Variants in CAMK1D observed in about 807,000 individuals in gnomAD.
CAMK1D encodes calcium/calmodulin-dependent protein kinase type 1D.
CAMK1D carries 9 observed loss-of-function variants against 47.7 expected under a neutral mutation model. That is an observed-to-expected ratio of 0.19 (90% confidence interval 0.11 to 0.33). CAMK1D has a LOEUF of 0.33. Ranked by LOEUF, CAMK1D falls within the 10% of genes least tolerant of loss-of-function variation. CAMK1D has a pLI of 1.00. For missense variants in CAMK1D, 291 were observed against 488.7 expected, an observed-to-expected ratio of 0.60 and a Z score of 3.81; for synonymous variants, 184 against 184.9, an observed-to-expected ratio of 0.99 and a Z score of 0.04.
At chr10:12,647,120 C>G (rs77448347) in intron 2 of CAMK1D, among the ~76,000 whole-genome samples, 16,910 of 140,472 alleles carry the variant, frequency 0.12, 1,164 homozygotes, top group African/African-American at 0.2. Context: ...GGATTATAGA[C>G]GTGAGCCTCC....
chr10:12,583,464 A>C (rs1306398553), intron 2 of CAMK1D, among the ~76,000 whole-genome samples: 1 of 152,188 alleles, frequency 6.6e-6, no homozygotes, highest in Non-Finnish European at 1.5e-5. Flanking sequence ...ATTTGATCAG[A>C]CGTTGTCTGT....
At chr10:12,787,524 C>A (rs984187189) in intron 5 of CAMK1D, among the ~76,000 whole-genome samples, 4 of 152,212 alleles carry the variant, frequency 2.6e-5, no homozygotes, top group Non-Finnish European at 5.9e-5. Flanking sequence ...GCCTGCTCTG[C>A]GGTGGCTGTG....
At chr10:12,457,030 T>C (rs1833271066) in intron 1 of CAMK1D, among the ~76,000 whole-genome samples, 1 of 152,128 alleles carries the variant, frequency 6.6e-6, no homozygotes, top group Non-Finnish European at 1.5e-5. Context: ...AATAAGGGAC[T>C]GGTTAAAGGG....
At position 12,601,575 on chromosome 10, in the gene CAMK1D, C is replaced by T. The variant is rs530194287; in HGVS notation, c.224+48219C>T. ...GCCTCTCAGGTTCAAGTGATTCTCCCGTCTCAGCCTCCTGAGTAGCTGGGA... is the reference window on the plus strand; with the variant it reads ...GCCTCTCAGGTTCAAGTGATTCTCCTGTCTCAGCCTCCTGAGTAGCTGGGA... On this transcript the variant is annotated intron_variant, in intron 2 of 10. Transcript: ENST00000619168. 6.6e-5 allele frequency among the ~76,000 whole-genome samples: 10 copies of T among 152,234 alleles called. No individual in the cohort carries two copies. In the South Asian group the frequency reaches 8.3e-4, roughly 13 times the overall value.
At chr10:12,403,071 A>G (rs1839285589) in intron 1 of CAMK1D, among the ~76,000 whole-genome samples, 1 of 151,138 alleles carries the variant, frequency 6.6e-6, no homozygotes, top group South Asian at 2.1e-4. Flanking sequence ...TTGTCTACTT[A>G]AGCAATTTAT....
chr10:12,525,679 A>C (rs1835598153), intron 1 of CAMK1D, among the ~76,000 whole-genome samples: 1 of 152,096 alleles, frequency 6.6e-6, no homozygotes, highest in African/African-American at 2.4e-5. Context: ...CAACATCTGA[A>C]TTGTCTGGGG....
intron 1 of CAMK1D, among the ~76,000 whole-genome samples, chr10:12,464,043 C>G (rs1011082087): frequency 6.6e-6 from 1 of 152,174 alleles, no homozygotes; most frequent in African/African-American, 2.4e-5. Flanking sequence ...AGTTAAACCT[C>G]TTTCCTTTAT....
At chr10:12,500,489 G>A (rs1388529555) in intron 1 of CAMK1D, among the ~76,000 whole-genome samples, 1 of 152,168 alleles carries the variant, frequency 6.6e-6, no homozygotes, top group Non-Finnish European at 1.5e-5. Context: ...TTCCCTGCGG[G>A]CATGGAGGGG....
At chr10:12,672,263 T>G (rs986620052) in intron 3 of CAMK1D, among the ~76,000 whole-genome samples, 1 of 151,978 alleles carries the variant, frequency 6.6e-6, no homozygotes, top group African/African-American at 2.4e-5. Context: ...AAAGTTTTAG[T>G]GGGGATGATG....
intron 1 of CAMK1D, among the ~76,000 whole-genome samples, chr10:12,419,958 C>CTT (rs35190654): frequency 4.1e-5 from 6 of 145,618 alleles, no homozygotes; most frequent in Admixed American, 1.4e-4. Context: ...ATCTATGTAA[C>CTT]TTTTTTTTTT....
chr10:12,689,970 G>A (rs1794560135), intron 3 of CAMK1D, among the ~76,000 whole-genome samples: 1 of 152,130 alleles, frequency 6.6e-6, no homozygotes, highest in Non-Finnish European at 1.5e-5. Flanking sequence ...AACATACGGA[G>A]GGCTGTCATG....
chr10:12,761,151 GGCTGAT>G (rs1362627048), intron 4 of CAMK1D, 65 bp downstream of exon 4: 2 of 1,568,330 alleles, frequency 1.3e-6, no homozygotes, highest in Non-Finnish European at 1.7e-6. Context: ...CGACCAAGAG[GGCTGAT>G]GCCAGTGGGG....
intron 1 of CAMK1D, among the ~76,000 whole-genome samples, chr10:12,415,745 CGT>C (rs926625124): frequency 1.4e-5 from 2 of 138,278 alleles, no homozygotes; most frequent in African/African-American, 2.7e-5. Context: ...ATTAAAATTA[CGT>C]TTTTTTTTTT....
intron 3 of CAMK1D, among the ~76,000 whole-genome samples, chr10:12,685,739 G>T (rs187600651): frequency 1.2e-4 from 18 of 152,316 alleles, no homozygotes; most frequent in Admixed American, 1.2e-3. Flanking sequence ...AGAGAGAAAG[G>T]ATGGCATTTT....
intron 2 of CAMK1D, among the ~76,000 whole-genome samples, chr10:12,606,953 T>G (rs1417813473): frequency 6.6e-6 from 1 of 151,970 alleles, no homozygotes; most frequent in African/African-American, 2.4e-5. Context: ...TCAGCCTCCC[T>G]AGTAGCTGGG....
intron 1 of CAMK1D, among the ~76,000 whole-genome samples, chr10:12,544,534 ATTAC>A (rs1836296689): frequency 6.6e-6 from 1 of 152,266 alleles, no homozygotes; most frequent in South Asian, 2.1e-4. Context: ...ACTGTATAAT[ATTAC>A]TTAAGCATTC....
chr10:12,410,146 A>G (rs113441119), intron 1 of CAMK1D, among the ~76,000 whole-genome samples: 413 of 152,304 alleles, frequency 2.7e-3, no homozygotes, highest in Non-Finnish European at 4.4e-3. Flanking sequence ...GCACTTCCCC[A>G]TAATTCTCAT....
At chr10:12,828,353 C>G (rs963210842) in intron 10 of CAMK1D, among the ~76,000 whole-genome samples, 1 of 136,196 alleles carries the variant, frequency 7.3e-6, no homozygotes. Flanking sequence ...AATTTGGGTC[C>G]CCGCAAGTTG....
chr10:12,369,616 C>G (rs1837947629), intron 1 of CAMK1D, among the ~76,000 whole-genome samples: 1 of 152,072 alleles, frequency 6.6e-6, no homozygotes, highest in African/African-American at 2.4e-5. Flanking sequence ...AAAGAGGACG[C>G]CGGCTTCTGT....
Sources: allele counts gnomAD v4.1 joint callset (sites outside exome capture counted in the v4.1 genomes callset), GRCh38; gene constraint gnomAD v4.1.1; transcripts MANE v1.5; gene names NCBI Gene and HGNC (gene_info 2026-07-23, HGNC 2026-07-21).